SYTL4: variants seen among roughly 807,000 people sequenced by gnomAD.
The protein encoded by SYTL4 is synaptotagmin like 4, also known as synaptotagmin-like protein 4.
Under a neutral mutation model 52.7 loss-of-function variants are expected in SYTL4, and 16 were observed. That is an observed-to-expected ratio of 0.30 (90% CI 0.21 to 0.46). The LOEUF is 0.46. Among genes scored for constraint, SYTL4 ranks in the 20% least tolerant of loss-of-function variants. The pLI is 1.00. For synonymous variants in SYTL4, 160 were observed against 186.6 expected, an observed-to-expected ratio of 0.86 and a Z score of 1.16; for missense variants, 423 against 519.9, an observed-to-expected ratio of 0.81 and a Z score of 1.81.
intron 16 of SYTL4, chrX:100,685,778 A>G (rs1385211512): frequency 1.3e-5 from 5 of 373,985 alleles, no homozygotes; most frequent in Non-Finnish European, 1.8e-5. Flanking sequence ...TCAAAGCAAA[A>G]CCATGGCTTC....
chrX:100,688,524 G>T (rs1435118555), intron 12 of SYTL4, 81 bp from the exon 13 acceptor site: 14 of 807,159 alleles, frequency 1.7e-5, no homozygotes, highest in Non-Finnish European at 2.4e-5. Context: ...TTCCTTTAAA[G>T]CTCCAAGTTG....
chrX:100,713,055 A>G (rs978815358), intron 2 of SYTL4, among the ~76,000 whole-genome samples: 2 of 112,547 alleles, frequency 1.8e-5, no homozygotes, highest in African/African-American at 6.5e-5. Flanking sequence ...TGGTATAGCC[A>G]TATTGGAAAA....
chrX:100,682,405 GA>G (rs796968534), intron 16 of SYTL4, among the ~76,000 whole-genome samples: 74 of 102,343 alleles, frequency 7.2e-4, no homozygotes, highest in Middle Eastern at 4.9e-3. Flanking sequence ...GCTTGCAGGG[GA>G]AAAAAAAAAA....
rs1212053635 is a variant in SYTL4 at position 100,675,591 on chromosome X, C to T, written c.*437G>A. 1 of 113,805 alleles carries T rather than the reference C, an allele frequency of 8.8e-6. No individual in the cohort carries two copies. The highest frequency in any genetic ancestry group is 9.4e-5 in the Admixed American group (1 of 10,621). 9.4% of individuals were successfully genotyped at this position (113,805 alleles called of 1,213,427 possible). A position where few individuals can be genotyped will look rare whatever the true frequency, so the allele number is the denominator to read the frequency against. On this transcript the variant is annotated 3_prime_UTR_variant, in exon 20 of 20. Coordinates refer to ENST00000372989, the MANE Select transcript of SYTL4 (RefSeq NM_001370165.1). ...TCCCCAACATTCCTGTCTTTACTAACCAACCCTGCTTCCCAGAGCCTTAAA... is the reference window on the plus strand; with the variant it reads ...TCCCCAACATTCCTGTCTTTACTAATCAACCCTGCTTCCCAGAGCCTTAAA...
At chrX:100,724,258 C>T (rs1238375327) in intron 2 of SYTL4, among the ~76,000 whole-genome samples, 10 of 104,848 alleles carry the variant, frequency 9.5e-5, no homozygotes, top group African/African-American at 3.2e-4. Context: ...GGGGGGTCAG[C>T]GCCCCGCCCG....
At chrX:100,705,142 T>C (rs2083930312) in intron 2 of SYTL4, among the ~76,000 whole-genome samples, 1 of 111,989 alleles carries the variant, frequency 8.9e-6, no homozygotes, top group Non-Finnish European at 1.9e-5. Flanking sequence ...ATGCAATATC[T>C]GGTACGCAAT....
At chrX:100,716,439 A>C (rs1246235896) in intron 2 of SYTL4, among the ~76,000 whole-genome samples, 1 of 76,564 alleles carries the variant, frequency 1.3e-5, no homozygotes, top group Admixed American at 1.8e-4. Flanking sequence ...AACAAGAGCA[A>C]AACTCCATCT....
chrX:100,692,531 T>C (rs997047386), intron 8 of SYTL4, among the ~76,000 whole-genome samples: 4 of 111,984 alleles, frequency 3.6e-5, no homozygotes, highest in African/African-American at 1.3e-4. Flanking sequence ...TTCTTTTTTT[T>C]AGCTTAATCG....
chrX:100,728,190 G>A lies in SYTL4; in HGVS notation c.-240+3228C>T, dbSNP rs188691117. On this transcript the variant is annotated intron_variant, in intron 2 of 19. Coordinates refer to ENST00000372989, the MANE Select transcript of SYTL4 (RefSeq NM_001370165.1). The stretch of plus-strand genomic sequence containing the variant: ...AGAAAAAGAAGCTGGTCAGCTTTTT[G>A]TACAAATTTGAGTTTCAAATAAGTT... Among the ~76,000 whole-genome samples the A allele has an allele frequency of 5.1e-3, 568 of 111,987 alleles. 3 individuals carry two copies. The highest frequency in any genetic ancestry group is 0.017 in the African/African-American group (512 of 30,825).
At chrX:100,714,835 T>C (rs189179431) in intron 2 of SYTL4, among the ~76,000 whole-genome samples, 33 of 111,673 alleles carry the variant, frequency 3.0e-4, no homozygotes, top group African/African-American at 1.0e-3. Flanking sequence ...AAATCAAGTA[T>C]AAAAATAAAC....
chrX:100,682,469 G>A (rs1180335509), intron 16 of SYTL4, among the ~76,000 whole-genome samples: 1 of 110,649 alleles, frequency 9.0e-6, no homozygotes, highest in Non-Finnish European at 1.9e-5. Context: ...AGCATTTTGG[G>A]AGGCTGAGGT....
At chrX:100,730,967 A>C (rs1280145245) in intron 2 of SYTL4, among the ~76,000 whole-genome samples, 1 of 111,299 alleles carries the variant, frequency 9.0e-6, no homozygotes, top group Non-Finnish European at 1.9e-5. Flanking sequence ...AGTTAAATAT[A>C]GGAGGTCCAG....
At chrX:100,713,778 T>C (rs759134773) in intron 2 of SYTL4, among the ~76,000 whole-genome samples, 68 of 110,696 alleles carry the variant, frequency 6.1e-4, no homozygotes, top group Non-Finnish European at 7.6e-4. Context: ...TACTTAGCAA[T>C]AGAGAAGAAT....
At chrX:100,719,994 C>T (rs1224993693) in intron 2 of SYTL4, among the ~76,000 whole-genome samples, 1 of 111,860 alleles carries the variant, frequency 8.9e-6, no homozygotes, top group Non-Finnish European at 1.9e-5. Context: ...TCCCCTGCTC[C>T]TCAGCAACTC....
intron 4 of SYTL4, among the ~76,000 whole-genome samples, 153 bp from the exon 5 acceptor site, chrX:100,702,260 G>T (rs1026820802): frequency 9.0e-5 from 10 of 111,584 alleles, no homozygotes; most frequent in African/African-American, 1.3e-4. Flanking sequence ...ACTCCCATCC[G>T]AAACATGCCC....
chrX:100,728,834 G>A (rs1158549096), intron 2 of SYTL4, among the ~76,000 whole-genome samples: 1 of 111,069 alleles, frequency 9.0e-6, no homozygotes, highest in Non-Finnish European at 1.9e-5. Flanking sequence ...TCAGAAGATC[G>A]AGACCATCCT....
At chrX:100,691,015 A>G (rs2083586680) in intron 9 of SYTL4, 93 bp downstream of exon 9, 1 of 662,001 alleles carries the variant, frequency 1.5e-6, no homozygotes, top group East Asian at 3.5e-5. Context: ...ACTTCGTTCA[A>G]CTTCCTGAGG....
At position 100,696,465 on chromosome X, in the gene SYTL4, AT is replaced by A. The variant is rs758037690; in HGVS notation, c.539+4431del. Among the ~76,000 whole-genome samples, 584 of 111,817 alleles carry A rather than the reference AT, an allele frequency of 5.2e-3. 4 individuals carry two copies. Among genetic ancestry groups the A allele is most frequent in the African/African-American group, 0.018 (541 of 30,804 alleles). On this transcript the variant is annotated intron_variant, in intron 8 of 19. Transcript: ENST00000372989. The stretch of plus-strand genomic sequence containing the variant: ...GGGTATGTAGTAGTATCTTATTGTG[AT>A]TTTTAGGTCAAATTTATTTAATGAC...
chrX:100,695,697 T>C (rs889184407), intron 8 of SYTL4, among the ~76,000 whole-genome samples: 65 of 112,227 alleles, frequency 5.8e-4, no homozygotes, highest in African/African-American at 2.1e-3. Context: ...TTTTTTCTTT[T>C]ACGCTTTGAG....
Sources: allele counts gnomAD v4.1 joint callset (sites outside exome capture counted in the v4.1 genomes callset), GRCh38; gene constraint gnomAD v4.1.1; transcripts MANE v1.5; gene names NCBI Gene and HGNC (gene_info 2026-07-23, HGNC 2026-07-21).